ADGRL2: variants seen among roughly 807,000 people sequenced by gnomAD.
ADGRL2 encodes the protein adhesion G protein-coupled receptor L2.
A neutral mutation model predicts 157.4 loss-of-function variants in ADGRL2; 44 were observed. The ratio of observed to expected loss-of-function variants is 0.28; its 90% CI spans 0.22 to 0.36. The LOEUF (loss-of-function observed/expected upper bound fraction) is 0.36. ADGRL2 is among the 10% of genes least tolerant of loss of function. The pLI, the probability that ADGRL2 is intolerant of heterozygous loss-of-function variation, is 1.00. For missense variants in ADGRL2, 1,510 were observed against 1,768.9 expected (o/e 0.85, Z 2.63); for synonymous variants, 585 against 624.7 (o/e 0.94, Z 0.95).
intron 3 of ADGRL2, among the ~76,000 whole-genome samples, chr1:81,627,346 G>A (rs1055578793): frequency 1.1e-4 from 17 of 152,148 alleles, no homozygotes; most frequent in East Asian, 1.9e-4. Context: ...GTTGTGCAGC[G>A]TCAACTCTTG....
chr1:81,936,842 G>T lies in ADGRL2; in HGVS notation c.397+5G>T, dbSNP rs1444830286. On this transcript the variant is annotated splice_donor_5th_base_variant and intron_variant, in intron 4 of 23. Coordinates refer to ENST00000686636, the MANE Select transcript of ADGRL2 (RefSeq NM_001366006.2). ...AATATGAATGTGTCCCTTACAGTAA[G>T]TATGCAGTTTATATTTTTTTACACT... 1 of 1,534,596 alleles carries T rather than the reference G, an allele frequency of 6.5e-7. No homozygotes were observed.
intron 2 of ADGRL2, among the ~76,000 whole-genome samples, chr1:81,536,728 C>G (rs1357273237): frequency 6.6e-6 from 1 of 151,816 alleles, no homozygotes; most frequent in Non-Finnish European, 1.5e-5. Context: ...AATTCTTGAA[C>G]TGTTTTGTTA....
intron 3 of ADGRL2, among the ~76,000 whole-genome samples, chr1:81,607,864 A>T (rs1393825775): frequency 6.6e-6 from 1 of 152,194 alleles, no homozygotes; most frequent in Non-Finnish European, 1.5e-5. Flanking sequence ...TATTTGCAGT[A>T]TTCTGGAAAG....
chr1:81,894,965 G>A (rs1427835647), intron 2 of ADGRL2, among the ~76,000 whole-genome samples: 1 of 152,160 alleles, frequency 6.6e-6, no homozygotes, highest in Non-Finnish European at 1.5e-5. Context: ...ATTAGCATGG[G>A]TAATAATTTG....
At chr1:81,611,198 G>A (rs550663588) in intron 3 of ADGRL2, among the ~76,000 whole-genome samples, 71 of 152,254 alleles carry the variant, frequency 4.7e-4, no homozygotes, top group African/African-American at 1.6e-3. Context: ...ATAAAGACCG[G>A]AAGCCCTACT....
intron 2 of ADGRL2, among the ~76,000 whole-genome samples, chr1:81,896,302 A>C (rs1286552159): frequency 2.1e-5 from 3 of 144,032 alleles, no homozygotes; most frequent in African/African-American, 7.3e-5. Context: ...GGTTTTAACT[A>C]GTTATAAAAA....
At chr1:81,445,369 G>C (rs544301402) in intron 2 of ADGRL2, among the ~76,000 whole-genome samples, 4 of 152,288 alleles carry the variant, frequency 2.6e-5, no homozygotes, top group Non-Finnish European at 5.9e-5. Flanking sequence ...TTATGCTTGT[G>C]ATCTTAGGCA....
chr1:81,449,493 T>C (rs1394938911), intron 2 of ADGRL2, among the ~76,000 whole-genome samples: 1 of 152,196 alleles, frequency 6.6e-6, no homozygotes, highest in African/African-American at 2.4e-5. Context: ...AGTCTGAAGC[T>C]TTCTTCTTAT....
chr1:81,634,525 T>G (rs977619093), intron 3 of ADGRL2, among the ~76,000 whole-genome samples: 8 of 137,330 alleles, frequency 5.8e-5, no homozygotes, highest in African/African-American at 8.2e-5. Context: ...TTTTTTTTTT[T>G]GGTTTTTTTG....
At chr1:81,932,442 A>G (rs1038993591) in intron 3 of ADGRL2, among the ~76,000 whole-genome samples, 9 of 152,224 alleles carry the variant, frequency 5.9e-5, no homozygotes, top group Admixed American at 3.3e-4. Context: ...TACCTCTTAC[A>G]TAAGTTGTAC....
At chr1:81,399,209 GACA>G (rs1441974490) in intron 1 of ADGRL2, among the ~76,000 whole-genome samples, 1 of 152,078 alleles carries the variant, frequency 6.6e-6, no homozygotes, top group Non-Finnish European at 1.5e-5. Context: ...GGATCATGAG[GACA>G]ACAAGGGGGA....
intron 3 of ADGRL2, among the ~76,000 whole-genome samples, chr1:81,669,702 G>A (rs1345885984): frequency 1.3e-5 from 2 of 152,080 alleles, no homozygotes; most frequent in Non-Finnish European, 2.9e-5. Context: ...CAGCACTTTG[G>A]GAGGCCAAGG....
chr1:81,391,467 A>T (rs1460885349), intron 1 of ADGRL2, among the ~76,000 whole-genome samples: 1 of 151,994 alleles, frequency 6.6e-6, no homozygotes, highest in Non-Finnish European at 1.5e-5. Flanking sequence ...GGGAAAACAA[A>T]GAGAATTTGG....
intron 1 of ADGRL2, among the ~76,000 whole-genome samples, chr1:81,344,724 A>C (rs1662355018): frequency 6.6e-6 from 1 of 151,740 alleles, no homozygotes; most frequent in Non-Finnish European, 1.5e-5. Flanking sequence ...TTTGTCCAGA[A>C]CTGTTACATC....
At chr1:81,367,014 C>G (rs902925733) in intron 1 of ADGRL2, among the ~76,000 whole-genome samples, 2 of 152,174 alleles carry the variant, frequency 1.3e-5, no homozygotes, top group Non-Finnish European at 2.9e-5. Context: ...CATTAACTTT[C>G]TCTCAAGCTC....
chr1:81,966,949 A>G (rs1657231340), intron 13 of ADGRL2, among the ~76,000 whole-genome samples: 1 of 152,188 alleles, frequency 6.6e-6, no homozygotes, highest in Non-Finnish European at 1.5e-5. Flanking sequence ...ATAGCTGAGT[A>G]TTAACTCTTA....
chr1:81,966,133 G>A lies in ADGRL2; in HGVS notation c.2093G>A (p.Gly698Asp), dbSNP rs1290590350. ...FKFPLGIKGA[G>D]SSIQLSANTV... is the part of the protein sequence containing the mutation. The stretch of plus-strand genomic sequence containing the variant: ...TTTCCTCTGGGCATCAAAGGAGCAG[G>A]CAGCTCAATCCAACTGTCCGCAAAT... The change falls in exon 12 of 24, where the codon GGC becomes GAC. Residue 698 changes from glycine to aspartate, a missense_variant. Coordinates refer to ENST00000686636, the MANE Select transcript of ADGRL2 (RefSeq NM_001366006.2). 1.2e-6 allele frequency: 2 copies of A among 1,613,942 alleles called. No individual in the cohort carries two copies. The highest frequency in any genetic ancestry group is 1.7e-6 in the Non-Finnish European group (2 of 1,179,888).
intron 2 of ADGRL2, among the ~76,000 whole-genome samples, chr1:81,508,192 A>G (rs752956540): frequency 3.3e-5 from 5 of 152,230 alleles, no homozygotes; most frequent in Non-Finnish European, 5.9e-5. Flanking sequence ...TATGTATTTT[A>G]TTCTTACCAG....
intron 1 of ADGRL2, among the ~76,000 whole-genome samples, chr1:81,718,591 A>T (rs1329171537): frequency 6.6e-6 from 1 of 152,178 alleles, no homozygotes; most frequent in African/African-American, 2.4e-5. Context: ...TGGAAACCTT[A>T]AAGTGTTTTG....
Sources: allele counts gnomAD v4.1 joint callset (sites outside exome capture counted in the v4.1 genomes callset), GRCh38; gene constraint gnomAD v4.1.1; transcripts MANE v1.5; gene names NCBI Gene and HGNC (gene_info 2026-07-23, HGNC 2026-07-21).